The following NTRK2 variants were observed in gnomAD, a reference collection of about 807,000 sequenced individuals.
The protein encoded by NTRK2 is BDNF/NT-3 growth factors receptor.
NTRK2 carries 13 observed loss-of-function variants against 94.5 expected under a neutral mutation model. The observed-to-expected ratio is 0.14, with a 90% confidence interval of 0.09 to 0.22. The LOEUF (loss-of-function observed/expected upper bound fraction) is 0.22, where lower values mean the gene tolerates loss of function less well. Ranked by LOEUF, NTRK2 falls within the 10% of genes least tolerant of loss-of-function variation. The probability of loss-of-function intolerance (pLI) is 1.00; values close to 1 mark genes in which losing one functional copy is unlikely to be tolerated. For synonymous variants in NTRK2, 372 were observed against 407.4 expected (o/e 0.91, Z 1.05); for missense variants, 639 against 1,071.2 (o/e 0.60, Z 5.63).
At chr9:84,937,202 C>A (rs1398671689) in intron 15 of NTRK2, among the ~76,000 whole-genome samples, 1 of 152,186 alleles carries the variant, frequency 6.6e-6, no homozygotes, top group Non-Finnish European at 1.5e-5. Context: ...ATGCAGCTGC[C>A]AGGGATTGCA....
At chr9:84,720,199 G>T (rs2061972832) in intron 6 of NTRK2, among the ~76,000 whole-genome samples, 1 of 152,152 alleles carries the variant, frequency 6.6e-6, no homozygotes, top group Non-Finnish European at 1.5e-5. Flanking sequence ...ACAATGCTTA[G>T]AGTGTGAGAG....
intron 2 of NTRK2, among the ~76,000 whole-genome samples, chr9:84,697,190 C>T (rs191562359): frequency 7.6e-4 from 116 of 152,288 alleles, no homozygotes; most frequent in Non-Finnish European, 1.4e-3. Flanking sequence ...AGCATGCAAG[C>T]AACGTCTGCA....
chr9:84,841,381 C>G (rs1193352496), intron 12 of NTRK2, among the ~76,000 whole-genome samples: 1 of 152,210 alleles, frequency 6.6e-6, no homozygotes, highest in Non-Finnish European at 1.5e-5. Flanking sequence ...CCTCTCTTCA[C>G]TTACACCCCC....
intron 12 of NTRK2, among the ~76,000 whole-genome samples, chr9:84,820,044 A>G (rs1408193380): frequency 6.6e-6 from 1 of 152,168 alleles, no homozygotes; most frequent in African/African-American, 2.4e-5. Context: ...TGTCAATTAT[A>G]GTTGACCCTT....
chr9:84,707,066 T>C (rs924318748), intron 4 of NTRK2, among the ~76,000 whole-genome samples: 14 of 152,288 alleles, frequency 9.2e-5, no homozygotes, highest in African/African-American at 3.1e-4. Context: ...GCTGCCAGGG[T>C]TATGGCTCTG....
intron 12 of NTRK2, among the ~76,000 whole-genome samples, chr9:84,825,716 C>G (rs1028129311): frequency 2.0e-5 from 3 of 152,224 alleles, no homozygotes; most frequent in Admixed American, 2.0e-4. Context: ...ATTCTGCACA[C>G]AGAGTGGCAC....
chr9:84,852,798 A>G (rs922928793), intron 12 of NTRK2, among the ~76,000 whole-genome samples: 1 of 152,216 alleles, frequency 6.6e-6, no homozygotes, highest in African/African-American at 2.4e-5. Flanking sequence ...GAAATATGTG[A>G]TCAAGACAGC....
chr9:84,996,314 G>T (rs775452696), intron 17 of NTRK2, among the ~76,000 whole-genome samples: 6 of 152,198 alleles, frequency 3.9e-5, no homozygotes, highest in Non-Finnish European at 8.8e-5. Context: ...CTCCATTATT[G>T]GTTCTTACTC....
intron 10 of NTRK2, among the ~76,000 whole-genome samples, 162 bp downstream of exon 10, chr9:84,742,089 G>T (rs1002115657): frequency 1.3e-5 from 2 of 152,106 alleles, no homozygotes; most frequent in African/African-American, 4.8e-5. Flanking sequence ...ATTGATGGCC[G>T]TTTTCCCTTG....
chr9:84,902,084 T>C (rs2076946014), intron 14 of NTRK2, among the ~76,000 whole-genome samples: 1 of 151,884 alleles, frequency 6.6e-6, no homozygotes, highest in Non-Finnish European at 1.5e-5. Flanking sequence ...TAATTCCAGC[T>C]GCTCAGAAGG....
intron 2 of NTRK2, among the ~76,000 whole-genome samples, chr9:84,687,618 A>G (rs1386773726): frequency 6.6e-6 from 1 of 152,224 alleles, no homozygotes; most frequent in Non-Finnish European, 1.5e-5. Flanking sequence ...AGAAGGCAAT[A>G]GATACTCTGT....
At chr9:84,867,562 G>A (rs2075651838) in intron 14 of NTRK2, 131 bp downstream of exon 14, 10 of 831,968 alleles carry the variant, frequency 1.2e-5, no homozygotes, top group Non-Finnish European at 2.1e-5. Flanking sequence ...GATTCTTGCA[G>A]CTTTTGGCCC....
chr9:84,928,444 A>C (rs1232274684), intron 14 of NTRK2, among the ~76,000 whole-genome samples: 1 of 152,246 alleles, frequency 6.6e-6, no homozygotes, highest in Non-Finnish European at 1.5e-5. Context: ...TTCAGATGAT[A>C]AACATGAGTG....
intron 6 of NTRK2, among the ~76,000 whole-genome samples, chr9:84,720,524 A>G (rs2061992358): frequency 6.6e-6 from 1 of 152,206 alleles, no homozygotes; most frequent in Non-Finnish European, 1.5e-5. Context: ...TAAATTGGCC[A>G]ATAATATTGT....
At chr9:84,674,947 G>A (rs1263886565) in intron 2 of NTRK2, among the ~76,000 whole-genome samples, 3 of 152,130 alleles carry the variant, frequency 2.0e-5, no homozygotes, top group Admixed American at 6.5e-5. Flanking sequence ...TCTGAAAAGT[G>A]ATATTTCCTT....
At chr9:85,010,653 C>T (rs185586039) in intron 17 of NTRK2, among the ~76,000 whole-genome samples, 5 of 152,178 alleles carry the variant, frequency 3.3e-5, no homozygotes, top group East Asian at 3.9e-4. Flanking sequence ...TACTGGGGAG[C>T]GGGGCTGTCA....
intron 14 of NTRK2, among the ~76,000 whole-genome samples, chr9:84,925,357 C>T (rs2132625714): frequency 6.6e-6 from 1 of 152,218 alleles, no homozygotes; most frequent in Non-Finnish European, 1.5e-5. Flanking sequence ...CCTCCGCCCC[C>T]TCCCGTTTCC....
intron 12 of NTRK2, among the ~76,000 whole-genome samples, chr9:84,809,097 T>C (rs1032176378): frequency 7.2e-5 from 11 of 152,314 alleles, no homozygotes; most frequent in Admixed American, 5.9e-4. Flanking sequence ...TGGGTTTCCA[T>C]GGGCAAGTTC....
chr9:84,843,078 G>C (rs574031875), intron 12 of NTRK2, among the ~76,000 whole-genome samples: 3 of 152,172 alleles, frequency 2.0e-5, no homozygotes, highest in East Asian at 1.9e-4. Flanking sequence ...TAGGAATGGG[G>C]GGTCATAGCA....
Sources: allele counts gnomAD v4.1 joint callset (sites outside exome capture counted in the v4.1 genomes callset), GRCh38; gene constraint gnomAD v4.1.1; transcripts MANE v1.5; gene names NCBI Gene and HGNC (gene_info 2026-07-23, HGNC 2026-07-21).